TMEM11: variants seen among roughly 807,000 people sequenced by gnomAD.
TMEM11 encodes the protein transmembrane protein 11.
Under a neutral mutation model 17.0 loss-of-function variants are expected in TMEM11, and 1 was observed. That is an observed-to-expected ratio of 0.06 (90% CI 0.02 to 0.28). The LOEUF (loss-of-function observed/expected upper bound fraction) is 0.28, where lower values mean the gene tolerates loss of function less well. TMEM11 is among the 10% of genes least tolerant of loss of function. The probability of loss-of-function intolerance (pLI) is 1.00; values close to 1 mark genes in which losing one functional copy is unlikely to be tolerated. For missense variants in TMEM11, 172 were observed against 252.9 expected, an observed-to-expected ratio of 0.68 and a Z score of 2.17; for synonymous variants, 122 against 118.1, an observed-to-expected ratio of 1.03 and a Z score of -0.21.
At chr17:21,205,218 C>T (rs962093633) in intron 1 of TMEM11, among the ~76,000 whole-genome samples, 1 of 152,180 alleles carries the variant, frequency 6.6e-6, no homozygotes, top group African/African-American at 2.4e-5. Flanking sequence ...CCCCAAAAGG[C>T]AAGAGCCGCA....
chr17:21,205,064 C>T (rs114340918), intron 1 of TMEM11, among the ~76,000 whole-genome samples: 2 of 152,062 alleles, frequency 1.3e-5, no homozygotes, highest in African/African-American at 4.8e-5. Flanking sequence ...AATCAGCTCT[C>T]GCAGTCAGCA....
rs954570934 is a variant in TMEM11 at position 21,211,306 on chromosome 17, G to A, written c.62+2785C>T. The stretch of plus-strand genomic sequence containing the variant: ...TATTTCCACCCCTCCTATCTTAGTC[G>A]AAACCAGCACTGTCCATATCATAAC... On this transcript the variant is annotated intron_variant, in intron 1 of 1. Coordinates refer to ENST00000317635, the MANE Select transcript of TMEM11 (RefSeq NM_003876.3). 1.4e-5 allele frequency: 15 copies of A among 1,064,144 alleles called. No homozygotes were observed. The South Asian group carries it at 1.8e-4, about 13-fold the overall frequency. The allele number at this position is 1,064,144 out of a possible 1,614,324, so 65.9% of individuals were successfully genotyped here.
chr17:21,205,570 CG>C (rs1052868666), intron 1 of TMEM11, among the ~76,000 whole-genome samples: 12 of 152,032 alleles, frequency 7.9e-5, no homozygotes, highest in Non-Finnish European at 8.8e-5. Flanking sequence ...AATATACCAC[CG>C]TAAGCACTTT....
intron 1 of TMEM11, chr17:21,211,219 G>A: frequency 7.8e-7 from 1 of 1,289,452 alleles, no homozygotes; most frequent in Non-Finnish European, 1.0e-6. Flanking sequence ...TACAAACACT[G>A]TTGGTTCCCT....
chr17:21,203,485 GGTGT>G, intron 1 of TMEM11, among the ~76,000 whole-genome samples: 1 of 133,720 alleles, frequency 7.5e-6, no homozygotes, highest in South Asian at 2.5e-4. Flanking sequence ...GGGAGGCAAA[GGTGT>G]GCAGATCACT....
At chr17:21,204,458 A>AAAAAAG (rs1555542254) in intron 1 of TMEM11, among the ~76,000 whole-genome samples, 2 of 146,804 alleles carry the variant, frequency 1.4e-5, no homozygotes, top group African/African-American at 5.2e-5. Flanking sequence ...AAAAAAAAAA[A>AAAAAAG]AGAGAAAAAG....
chr17:21,211,630 T>C (rs112035731), intron 1 of TMEM11, among the ~76,000 whole-genome samples: 15 of 152,266 alleles, frequency 9.9e-5, no homozygotes, highest in African/African-American at 3.4e-4. Context: ...GCAGTAATAC[T>C]GCAGGCAGTC....
At position 21,198,794 on chromosome 17, in the gene TMEM11, T is replaced by C. The variant is rs1380658838; in HGVS notation, c.109A>G (p.Asn37Asp). 5.0e-6 allele frequency: 8 copies of C among 1,613,822 alleles called. No homozygotes were observed. The South Asian group carries it at 8.8e-5, about 18-fold the overall frequency. The change falls in exon 2 of 2, where the codon AAT becomes GAT. Residue 37 changes from asparagine to aspartate, a missense_variant. Around this residue, in one of 2 missense-constraint regions of TMEM11, gnomAD observed 123 missense variants for 213.6 expected, o/e 0.58. Transcript: ENST00000317635. The surrounding 1 kb of genome is among the most constrained non-coding windows in gnomAD (Gnocchi z 6.5). ...AACTGGTCTTGGGCATTCTCCCCATTGTAGATCTCATGCACAATGTAGCAG... is the reference window on the plus strand; with the variant it reads ...AACTGGTCTTGGGCATTCTCCCCATCGTAGATCTCATGCACAATGTAGCAG... ...TDCYIVHEIY[N>D]GENAQDQFEY...
chr17:21,211,773 CAGCAAAAGCAGA>C (rs1975005562), intron 1 of TMEM11, among the ~76,000 whole-genome samples: 2 of 152,354 alleles, frequency 1.3e-5, no homozygotes, highest in South Asian at 4.1e-4. Context: ...CCCTCAGCTT[CAGCAAAAGCAGA>C]TGCTAACCAG....
intron 1 of TMEM11, chr17:21,213,720 A>C: frequency 4.2e-6 from 1 of 239,728 alleles, no homozygotes; most frequent in East Asian, 1.1e-4. Context: ...CGAGATGGCC[A>C]CGCGCGTGCC....
chr17:21,210,941 A>T, intron 1 of TMEM11: 1 of 1,283,440 alleles, frequency 7.8e-7, no homozygotes, highest in Non-Finnish European at 1.0e-6. Context: ...CTCACATTCC[A>T]ACAATCACGG....
In TMEM11 at chr17:21,198,896, T is replaced by C; in HGVS notation, c.63-56A>G. 1 of 1,555,006 alleles carries C rather than the reference T, an allele frequency of 6.4e-7. No homozygotes were observed. The highest frequency in any genetic ancestry group is 8.7e-7 in the Non-Finnish European group (1 of 1,150,552). On this transcript the variant is annotated intron_variant, in intron 1 of 1. Transcript: ENST00000317635. The surrounding 1 kb of genome is among the most constrained non-coding windows in gnomAD (Gnocchi z 6.5). Reference sequence around the variant, plus strand: ...AGAGAGAGAGACAGGATGATTAGGCTGAGGAGCACTTAACTGTGTTTCAGC... The same window carrying C: ...AGAGAGAGAGACAGGATGATTAGGCCGAGGAGCACTTAACTGTGTTTCAGC...
intron 1 of TMEM11, among the ~76,000 whole-genome samples, chr17:21,208,993 C>A (rs1203932849): frequency 6.6e-6 from 1 of 152,238 alleles, no homozygotes; most frequent in East Asian, 1.9e-4. Flanking sequence ...CCACCCGCTT[C>A]TGCCTAATTA....
chr17:21,212,724 A>G (rs1975016058), intron 1 of TMEM11, among the ~76,000 whole-genome samples: 1 of 152,242 alleles, frequency 6.6e-6, no homozygotes, highest in Non-Finnish European at 1.5e-5. Flanking sequence ...AGATGCTTTT[A>G]GTCCAACAAG....
At chr17:21,211,376 G>A (rs1975001509) in intron 1 of TMEM11, 7 of 527,410 alleles carry the variant, frequency 1.3e-5, no homozygotes, top group Non-Finnish European at 2.2e-5. Context: ...TGTCCAATAT[G>A]GTAGCCACAG....
At chr17:21,199,328 G>GAAAAAAAAAAAAAAA (rs58031189) in intron 1 of TMEM11, among the ~76,000 whole-genome samples, 5 of 78,300 alleles carry the variant, frequency 6.4e-5, no homozygotes, top group Admixed American at 3.2e-4. Flanking sequence ...CTCAGTCTCA[G>GAAAAAAAAAAAAAAA]AAAAAAAAAA....
At chr17:21,211,148 G>A (rs908446879) in intron 1 of TMEM11, 27 of 1,289,804 alleles carry the variant, frequency 2.1e-5, no homozygotes, top group Non-Finnish European at 2.5e-5. Flanking sequence ...TGTGCTCGTT[G>A]CCAGTGTGCT....
intron 1 of TMEM11, among the ~76,000 whole-genome samples, chr17:21,205,066 C>A (rs1974927897): frequency 6.6e-6 from 1 of 152,102 alleles, no homozygotes. Context: ...TCAGCTCTCG[C>A]AGTCAGCAAA....
At chr17:21,200,004 G>A (rs1188943226) in intron 1 of TMEM11, among the ~76,000 whole-genome samples, 1 of 152,190 alleles carries the variant, frequency 6.6e-6, no homozygotes, top group Non-Finnish European at 1.5e-5. Context: ...CCACTCATTT[G>A]CATAAGAAAC....
Sources: allele counts gnomAD v4.1 joint callset (sites outside exome capture counted in the v4.1 genomes callset), GRCh38; gene constraint gnomAD v4.1.1; regional missense constraint gnomAD v4.1.1; non-coding constraint Gnocchi (gnomAD v3.1); transcripts MANE v1.5; gene names NCBI Gene and HGNC (gene_info 2026-07-23, HGNC 2026-07-21).